Variants in YPEL1 observed in about 807,000 individuals in gnomAD.
YPEL1 encodes yippee like 1, also known as protein yippee-like 1.
YPEL1 carries 7 observed loss-of-function variants against 17.3 expected under a neutral mutation model. The observed-to-expected ratio is 0.40, with a 90% CI of 0.23 to 0.76. YPEL1 has a LOEUF of 0.76. YPEL1 is among the 30% of genes least tolerant of loss of function. YPEL1 has a pLI of 0.35. For missense variants in YPEL1, 91 were observed against 155.5 expected, an observed-to-expected ratio of 0.59 and a Z score of 2.21; for synonymous variants, 59 against 59.6, an observed-to-expected ratio of 0.99 and a Z score of 0.05.
intron 1 of YPEL1, among the ~76,000 whole-genome samples, chr22:21,722,083 A>G (rs956738843): frequency 2.0e-5 from 3 of 152,344 alleles, no homozygotes; most frequent in African/African-American, 7.2e-5. Context: ...ATAGTAGTCC[A>G]TAAAGAGAAC....
At chr22:21,714,738 C>A (rs374100170) in intron 1 of YPEL1, among the ~76,000 whole-genome samples, 17 of 152,350 alleles carry the variant, frequency 1.1e-4, no homozygotes, top group African/African-American at 4.1e-4. Context: ...TGAGTCCCTG[C>A]TGATCTTTAT....
In YPEL1 at chr22:21,729,432, C is replaced by A. The variant is rs559357839; in HGVS notation, c.-165+6183G>T. 2.1e-5 allele frequency among the ~76,000 whole-genome samples: 3 copies of A among 144,846 alleles called. No individual in the cohort carries two copies. In the South Asian group the frequency reaches 6.7e-4, roughly 32 times the overall value. On this transcript the variant is annotated intron_variant, in intron 1 of 4. Coordinates refer to ENST00000339468, the MANE Select transcript of YPEL1 (RefSeq NM_013313.5). The stretch of plus-strand genomic sequence containing the variant: ...GATCAGCCTGGCCAACACAGCAAGA[C>A]CCCCATCTCTAAAAAAAAAAAAAAA...
chr22:21,705,599 C>G (rs1471378673), intron 2 of YPEL1, among the ~76,000 whole-genome samples: 2 of 152,190 alleles, frequency 1.3e-5, no homozygotes, highest in Non-Finnish European at 2.9e-5. Flanking sequence ...AAAGCACACA[C>G]TATAGGACCC....
At chr22:21,732,290 CA>C (rs1476796080) in intron 1 of YPEL1, among the ~76,000 whole-genome samples, 4 of 152,202 alleles carry the variant, frequency 2.6e-5, no homozygotes, top group Admixed American at 6.5e-5. Flanking sequence ...AACCTCCGCT[CA>C]AATCTCTTGT....
At chr22:21,702,279 C>T (rs529994551) in intron 4 of YPEL1, among the ~76,000 whole-genome samples, 17 of 152,212 alleles carry the variant, frequency 1.1e-4, no homozygotes, top group Admixed American at 2.6e-4. Flanking sequence ...AGGGAAGGCA[C>T]GGGTTTCTGG....
At chr22:21,706,297 T>C (rs1022865288) in intron 2 of YPEL1, among the ~76,000 whole-genome samples, 1 of 145,104 alleles carries the variant, frequency 6.9e-6, no homozygotes, top group Non-Finnish European at 1.5e-5. Context: ...GGCATGGTGG[T>C]GCGTGCCTAT....
At chr22:21,715,044 A>G (rs2068207396) in intron 1 of YPEL1, among the ~76,000 whole-genome samples, 1 of 152,200 alleles carries the variant, frequency 6.6e-6, no homozygotes, top group Admixed American at 6.6e-5. Flanking sequence ...TGTAAGCTTC[A>G]GGAAACTATA....
Position 21,710,840 on chromosome 22 carries a change from C to T in YPEL1, c.-96G>A. 5 of 1,107,518 alleles carry T rather than the reference C, an allele frequency of 4.5e-6. No individual in the cohort carries two copies. The highest frequency in any genetic ancestry group is 6.9e-6 in the Non-Finnish European group (5 of 722,508). 68.6% of individuals were successfully genotyped at this position (1,107,518 alleles called of 1,614,324 possible). A position where few individuals can be genotyped will look rare whatever the true frequency, so the allele number is the denominator to read the frequency against. Reference sequence around the variant, plus strand: ...CAAAAGCAACACTGGAAAATGCACGCAAGAGCCGTCGTTGTCCAGGAGGGC... The same window carrying T: ...CAAAAGCAACACTGGAAAATGCACGTAAGAGCCGTCGTTGTCCAGGAGGGC... On this transcript the variant is annotated 5_prime_UTR_variant, in exon 2 of 5. Coordinates refer to ENST00000339468, the MANE Select transcript of YPEL1 (RefSeq NM_013313.5).
intron 1 of YPEL1, among the ~76,000 whole-genome samples, chr22:21,726,055 G>GT (rs2068332477): frequency 6.6e-6 from 1 of 152,182 alleles, no homozygotes; most frequent in African/African-American, 2.4e-5. Context: ...TGGTAAGCTT[G>GT]TTAAAAACAT....
At chr22:21,708,428 C>G (rs2068134128) in intron 2 of YPEL1, among the ~76,000 whole-genome samples, 2 of 150,516 alleles carry the variant, frequency 1.3e-5, no homozygotes, top group Admixed American at 6.6e-5. Flanking sequence ...CTCTGCCTCC[C>G]AGGTTGAAGC....
chr22:21,703,741 TAA>T lies in YPEL1; in HGVS notation c.161+96_161+97del. 7.4e-7 allele frequency: 1 copy of T among 1,356,268 alleles called. No individual in the cohort carries two copies. Among genetic ancestry groups the T allele is most frequent in the Non-Finnish European group, 1.0e-6 (1 of 986,218 alleles). The allele number at this position is 1,356,268 out of a possible 1,614,324, so 84.0% of individuals were successfully genotyped here. A position where few individuals can be genotyped will look rare whatever the true frequency, so the allele number is the denominator to read the frequency against. ...GGATGGTGGGTTCTTTCAGGACCCC[TAA>T]AGACCCAGGTGATTCTACACAGGGC... On this transcript the variant is annotated intron_variant, in intron 3 of 4. Coordinates refer to ENST00000339468, the MANE Select transcript of YPEL1 (RefSeq NM_013313.5). The surrounding 1 kb of genome is among the most constrained non-coding windows in gnomAD (Gnocchi z 6.1).
intron 4 of YPEL1, 148 bp from the exon 5 acceptor site, chr22:21,701,366 G>A (rs2148593479): frequency 1.7e-6 from 1 of 588,142 alleles, no homozygotes; most frequent in East Asian, 2.8e-5. Context: ...CGCTGGGAGG[G>A]TCTGTTCCAG....
chr22:21,726,251 G>T (rs1231812123), intron 1 of YPEL1, among the ~76,000 whole-genome samples: 1 of 152,208 alleles, frequency 6.6e-6, no homozygotes, highest in African/African-American at 2.4e-5. Context: ...GTGGCCCCAA[G>T]CTGGTCCCAG....
chr22:21,724,183 G>GT (rs1321760700), intron 1 of YPEL1, among the ~76,000 whole-genome samples: 1 of 152,092 alleles, frequency 6.6e-6, no homozygotes, highest in Non-Finnish European at 1.5e-5. Context: ...CACAGGCTCC[G>GT]TGTACCTCCT....
chr22:21,702,260 T>C (rs1019165311), intron 4 of YPEL1, among the ~76,000 whole-genome samples: 10 of 152,154 alleles, frequency 6.6e-5, no homozygotes, highest in African/African-American at 2.4e-4. Context: ...TGCAGTGTGG[T>C]GGCCATGCAG....
chr22:21,703,751 G>T lies in YPEL1; in HGVS notation c.161+88C>A. 7.0e-7 allele frequency: 1 copy of T among 1,433,380 alleles called. No individual in the cohort carries two copies. The highest frequency in any genetic ancestry group is 9.5e-7 in the Non-Finnish European group (1 of 1,049,906). The allele number at this position is 1,433,380 out of a possible 1,614,324, so 88.8% of individuals were successfully genotyped here. ...TTCTTTCAGGACCCCTAAAGACCCA[G>T]GTGATTCTACACAGGGCACTGTGTA... is the stretch of plus-strand genomic sequence containing the variant. On this transcript the variant is annotated intron_variant, in intron 3 of 4. Transcript: ENST00000339468. The surrounding 1 kb of genome is among the most constrained non-coding windows in gnomAD (Gnocchi z 6.1).
rs766360593 is a variant in YPEL1 at position 21,703,892 on chromosome 22, G to A, written c.118-10C>T. ...GGCTCCCCTGAAAGGACTGAAAGAA[G>A]AAGGTCCCGTGAGATTGGCTGCGAG... is the stretch of plus-strand genomic sequence containing the variant. On this transcript the variant is annotated splice_polypyrimidine_tract_variant and intron_variant, in intron 2 of 4. Transcript: ENST00000339468. This position sits in a 1 kb window ranked among gnomAD's most constrained non-coding sequence, Gnocchi z 6.1. The A allele has an allele frequency of 2.5e-6, 4 of 1,593,304 alleles. No individual in the cohort carries two copies. Among genetic ancestry groups the A allele is most frequent in the Non-Finnish European group, 3.4e-6 (4 of 1,170,252 alleles).
At chr22:21,733,225 C>T (rs1408124290) in intron 1 of YPEL1, among the ~76,000 whole-genome samples, 1 of 151,950 alleles carries the variant, frequency 6.6e-6, no homozygotes, top group Non-Finnish European at 1.5e-5. Context: ...TGAGACCAGC[C>T]TGGGCAACAT....
At chr22:21,709,707 G>T (rs2148600468) in intron 2 of YPEL1, among the ~76,000 whole-genome samples, 1 of 152,318 alleles carries the variant, frequency 6.6e-6, no homozygotes, top group Non-Finnish European at 1.5e-5. Flanking sequence ...TCCCAAAGTG[G>T]TCGTGACCTG....
Sources: allele counts gnomAD v4.1 joint callset (sites outside exome capture counted in the v4.1 genomes callset), GRCh38; gene constraint gnomAD v4.1.1; non-coding constraint Gnocchi (gnomAD v3.1); transcripts MANE v1.5; gene names NCBI Gene and HGNC (gene_info 2026-07-23, HGNC 2026-07-21).